ENPP6: variants seen among roughly 807,000 people sequenced by gnomAD.
The protein encoded by ENPP6 is glycerophosphocholine cholinephosphodiesterase ENPP6.
Under a neutral mutation model 42.0 loss-of-function variants are expected in ENPP6, and 32 were observed. That is an observed-to-expected ratio of 0.76 (90% CI 0.58 to 1.02). The LOEUF (loss-of-function observed/expected upper bound fraction) is 1.02, where lower values mean the gene tolerates loss of function less well. Among genes scored for constraint, ENPP6 ranks in the 50% least tolerant of loss-of-function variants. The pLI is 0.00. For missense variants in ENPP6, 552 were observed against 566.8 expected, an observed-to-expected ratio of 0.97 and a Z score of 0.27; for synonymous variants, 213 against 216.0, an observed-to-expected ratio of 0.99 and a Z score of 0.12.
At chr4:184,101,101 C>G (rs140324752) in intron 6 of ENPP6, among the ~76,000 whole-genome samples, 1 of 151,984 alleles carries the variant, frequency 6.6e-6, no homozygotes, top group Non-Finnish European at 1.5e-5. Flanking sequence ...TCAGTGGGGA[C>G]GCAGCTGTGT....
chr4:184,101,944 C>T (rs543241456), intron 6 of ENPP6, among the ~76,000 whole-genome samples: 12 of 152,338 alleles, frequency 7.9e-5, no homozygotes, highest in East Asian at 7.7e-4. Context: ...TTCAGGCTTG[C>T]GCGCTTTCCT....
intron 1 of ENPP6, among the ~76,000 whole-genome samples, chr4:184,166,088 T>C (rs979140686): frequency 3.3e-5 from 5 of 152,170 alleles, no homozygotes; most frequent in Admixed American, 1.3e-4. Context: ...TGTTGGGAAA[T>C]CCATTTTATT....
chr4:184,100,462 A>G (rs1247053883), intron 6 of ENPP6, among the ~76,000 whole-genome samples: 3 of 152,184 alleles, frequency 2.0e-5, no homozygotes, highest in Non-Finnish European at 4.4e-5. Flanking sequence ...GGGCCCAGGG[A>G]CTGCCACACA....
chr4:184,207,093 G>T (rs1357368393), intron 1 of ENPP6, among the ~76,000 whole-genome samples: 2 of 152,196 alleles, frequency 1.3e-5, no homozygotes, highest in Admixed American at 1.3e-4. Flanking sequence ...TTTGGTGCCT[G>T]AAACAAAACA....
At chr4:184,150,350 C>T (rs1339456146) in intron 2 of ENPP6, among the ~76,000 whole-genome samples, 1 of 152,216 alleles carries the variant, frequency 6.6e-6, no homozygotes, top group East Asian at 1.9e-4. Flanking sequence ...AATGGCGAAA[C>T]TCAGCGTGTC....
At chr4:184,104,382 T>C (rs1736053380) in intron 6 of ENPP6, among the ~76,000 whole-genome samples, 1 of 152,236 alleles carries the variant, frequency 6.6e-6, no homozygotes, top group Middle Eastern at 3.2e-3. Flanking sequence ...GGCCTGAATT[T>C]GCTGCATTTC....
intron 6 of ENPP6, among the ~76,000 whole-genome samples, chr4:184,102,746 G>A (rs752886408): frequency 5.3e-5 from 8 of 152,210 alleles, no homozygotes; most frequent in Non-Finnish European, 1.0e-4. Context: ...CCACAGTGTC[G>A]CTCCCTGCTG....
At chr4:184,145,830 A>C (rs1429962318) in intron 2 of ENPP6, among the ~76,000 whole-genome samples, 1 of 152,236 alleles carries the variant, frequency 6.6e-6, no homozygotes, top group Non-Finnish European at 1.5e-5. Flanking sequence ...CGTGTCAGGG[A>C]ATTCCTTACT....
chr4:184,135,858 G>A (rs1317820498), intron 2 of ENPP6, among the ~76,000 whole-genome samples: 10 of 151,992 alleles, frequency 6.6e-5, no homozygotes, highest in Non-Finnish European at 1.2e-4. Flanking sequence ...CTGCACATTA[G>A]CTTCACCTGT....
At chr4:184,214,244 A>AAAAAAAAAG (rs1733162615) in intron 1 of ENPP6, among the ~76,000 whole-genome samples, 1 of 145,412 alleles carries the variant, frequency 6.9e-6, no homozygotes, top group African/African-American at 2.6e-5. Context: ...GTATAATAAT[A>AAAAAAAAAG]AAAAAAAAAA....
At chr4:184,180,662 G>A (rs549855703) in intron 1 of ENPP6, among the ~76,000 whole-genome samples, 20 of 152,102 alleles carry the variant, frequency 1.3e-4, no homozygotes, top group South Asian at 4.1e-4. Flanking sequence ...CTTATCCACC[G>A]TAGTGGAGTT....
Position 184,200,970 on chromosome 4 carries a change from G to A in ENPP6, c.241+16609C>T, listed in dbSNP as rs77945859. Among the ~76,000 whole-genome samples, 221 of 152,288 alleles carry A rather than the reference G, an allele frequency of 1.5e-3. 9 individuals are homozygous for A. In the East Asian group the frequency reaches 0.04, roughly 28 times the overall value. ...CCAAAGTTCCATTGCTCTCAGCCCC[G>A]ACAGCCCTTTGTCTAAATAAGGTGG... On this transcript the variant is annotated intron_variant, in intron 1 of 7. Transcript: ENST00000296741.
intron 2 of ENPP6, among the ~76,000 whole-genome samples, chr4:184,130,889 T>A (rs971697838): frequency 1.3e-5 from 2 of 152,244 alleles, no homozygotes; most frequent in Non-Finnish European, 2.9e-5. Context: ...AGTTCCGTTA[T>A]GTGACTGTAT....
At chr4:184,093,495 T>C (rs11933745) in intron 7 of ENPP6, among the ~76,000 whole-genome samples, 64,664 of 151,320 alleles carry the variant, frequency 0.43, 14,157 homozygotes, top group East Asian at 0.62. Context: ...AAAAATTAGC[T>C]GGGTGTGGTG....
intron 2 of ENPP6, among the ~76,000 whole-genome samples, chr4:184,141,195 G>T (rs1451001893): frequency 6.6e-6 from 1 of 152,162 alleles, no homozygotes; most frequent in East Asian, 1.9e-4. Flanking sequence ...GGGGAGTGTT[G>T]TGTGAATCCC....
intron 5 of ENPP6, among the ~76,000 whole-genome samples, chr4:184,113,948 T>C (rs1462459258): frequency 6.7e-6 from 1 of 149,618 alleles, no homozygotes; most frequent in Non-Finnish European, 1.5e-5. Flanking sequence ...TCTTTCTTTC[T>C]TTCTTTCTTT....
chr4:184,116,769 C>CA lies in ENPP6; in HGVS notation c.855+86dup, dbSNP rs959054830. ...ACAAACACACACACACAAAACAAAA[C>CA]AAAAAAACTACAAGGAAAAGACAGT... On this transcript the variant is annotated intron_variant, in intron 5 of 7. Coordinates refer to ENST00000296741, the MANE Select transcript of ENPP6 (RefSeq NM_153343.4). The CA allele has an allele frequency of 1.0e-5, 16 of 1,524,428 alleles. No homozygotes were observed. The African/African-American group carries it at 2.2e-4, about 21-fold the overall frequency. The allele number at this position is 1,524,428 out of a possible 1,614,324, so 94.4% of individuals were successfully genotyped here. A position where few individuals can be genotyped will look rare whatever the true frequency, so the allele number is the denominator to read the frequency against.
chr4:184,116,538 C>T (rs1736317121), intron 5 of ENPP6, among the ~76,000 whole-genome samples: 1 of 151,892 alleles, frequency 6.6e-6, no homozygotes, highest in Admixed American at 6.6e-5. Flanking sequence ...AGTTGGAGAC[C>T]AGCCTGACCA....
intron 1 of ENPP6, among the ~76,000 whole-genome samples, chr4:184,191,565 C>T (rs1268188032): frequency 1.3e-5 from 2 of 152,200 alleles, no homozygotes; most frequent in Non-Finnish European, 2.9e-5. Flanking sequence ...GCCCTCTGTT[C>T]TGGTCCTGAT....
Sources: gnomAD v4.1 joint callset for allele counts (sites outside exome capture counted in the v4.1 genomes callset) on GRCh38, gnomAD v4.1.1 for gene constraint, MANE v1.5 for transcripts, NCBI Gene and HGNC (gene_info 2026-07-23, HGNC 2026-07-21) for gene names.